Variants in EPHA7 observed in about 807,000 individuals in gnomAD.
EPHA7 encodes EPH receptor A7.
A neutral mutation model predicts 112.6 loss-of-function variants in EPHA7; 25 were observed. The ratio of observed to expected loss-of-function variants is 0.22; its 90% CI spans 0.16 to 0.31. EPHA7 has a LOEUF of 0.31. Among genes scored for constraint, EPHA7 ranks in the 10% least tolerant of loss-of-function variants. The pLI is 1.00. For synonymous variants in EPHA7, 437 were observed against 406.5 expected (o/e 1.07, Z -0.90); for missense variants, 962 against 1,212.6 (o/e 0.79, Z 3.07).
intron 3 of EPHA7, among the ~76,000 whole-genome samples, chr6:93,409,104 A>G (rs9445101): frequency 0.036 from 5,549 of 152,160 alleles, 340 homozygotes; most frequent in African/African-American, 0.13. Flanking sequence ...GTTCAGTACT[A>G]TATAGCACAG....
intron 3 of EPHA7, among the ~76,000 whole-genome samples, chr6:93,370,539 CT>C (rs1300139036): frequency 6.6e-6 from 1 of 152,098 alleles, no homozygotes; most frequent in Non-Finnish European, 1.5e-5. Flanking sequence ...TACTGGCTCT[CT>C]TTTAAATATT....
intron 9 of EPHA7, among the ~76,000 whole-genome samples, chr6:93,263,107 T>C (rs541796094): frequency 6.6e-6 from 1 of 151,258 alleles, no homozygotes; most frequent in Non-Finnish European, 1.5e-5. Flanking sequence ...ATGGGGAAAA[T>C]AGGTAAAGGT....
At chr6:93,299,768 A>C (rs554498965) in intron 5 of EPHA7, among the ~76,000 whole-genome samples, 3 of 152,352 alleles carry the variant, frequency 2.0e-5, no homozygotes, top group African/African-American at 7.2e-5. Context: ...CGTGGTACAT[A>C]TACACCATGG....
intron 3 of EPHA7, among the ~76,000 whole-genome samples, chr6:93,386,047 A>G (rs1403816705): frequency 6.6e-6 from 1 of 152,152 alleles, no homozygotes; most frequent in African/African-American, 2.4e-5. Flanking sequence ...ATTACAATTC[A>G]AGATGAAATT....
intron 3 of EPHA7, among the ~76,000 whole-genome samples, chr6:93,374,893 A>G (rs763173656): frequency 1.9e-4 from 29 of 152,228 alleles, no homozygotes; most frequent in Non-Finnish European, 3.7e-4. Context: ...TATTATCATC[A>G]TAATTATTAT....
At chr6:93,359,874 G>GAGAGAGAGAGAGATAGATAGATAGAT (rs1462833873) in intron 3 of EPHA7, among the ~76,000 whole-genome samples, 3 of 127,848 alleles carry the variant, frequency 2.3e-5, no homozygotes, top group Non-Finnish European at 5.1e-5. Flanking sequence ...GAGAGAGAGA[G>GAGAGAGAGAGAGATAGATAGATAGAT]AGATAGATAG....
At chr6:93,341,952 G>A (rs926644709) in intron 5 of EPHA7, among the ~76,000 whole-genome samples, 1 of 151,744 alleles carries the variant, frequency 6.6e-6, no homozygotes, top group African/African-American at 2.4e-5. Flanking sequence ...GATTTGGAAG[G>A]CCTCAGATCT....
At chr6:93,388,523 C>T (rs1582648958) in intron 3 of EPHA7, among the ~76,000 whole-genome samples, 1 of 152,060 alleles carries the variant, frequency 6.6e-6, no homozygotes, top group African/African-American at 2.4e-5. Flanking sequence ...AGGCAGGGTG[C>T]TATGTGAAGG....
chr6:93,338,680 A>G (rs2127916113), intron 5 of EPHA7, among the ~76,000 whole-genome samples: 1 of 152,066 alleles, frequency 6.6e-6, no homozygotes, highest in East Asian at 1.9e-4. Flanking sequence ...TGGAGGTGAG[A>G]TACAGAATAT....
At chr6:93,316,471 C>A (rs1361485367) in intron 5 of EPHA7, among the ~76,000 whole-genome samples, 1 of 152,046 alleles carries the variant, frequency 6.6e-6, no homozygotes, top group African/African-American at 2.4e-5. Flanking sequence ...ACTGTTCTAA[C>A]ATTGCTTGTA....
chr6:93,350,705 T>C (rs1189741787), intron 5 of EPHA7, among the ~76,000 whole-genome samples: 1 of 152,034 alleles, frequency 6.6e-6, no homozygotes, highest in Non-Finnish European at 1.5e-5. Context: ...TCAGAAACTG[T>C]ATGTTTTGCA....
At position 93,300,135 on chromosome 6, in the gene EPHA7, A is replaced by T. The variant is rs559426913; in HGVS notation, c.1325-27713T>A. ...GTATCCCTGAACTGAAAGTTTTTTT[A>T]AAAAAAGATAGGTATAGTGATTTAA... On this transcript the variant is annotated intron_variant, in intron 5 of 16. Transcript: ENST00000369303. 7.9e-5 allele frequency among the ~76,000 whole-genome samples: 12 copies of T among 152,268 alleles called. No individual in the cohort carries two copies. In the East Asian group the frequency reaches 1.9e-3, roughly 25 times the overall value.
rs1377657771 is a variant in EPHA7 at position 93,269,568 on chromosome 6, C to G, written c.1542G>C (p.Gln514His). 1.2e-6 allele frequency: 2 copies of G among 1,610,626 alleles called. No individual in the cohort carries two copies. Residue 514 changes from glutamine (Q) to histidine (H), a missense_variant, in exon 7 of 17, where the codon CAG becomes CAC. By Grantham distance (24) the Gln-to-His change is conservative. This residue lies in a region of EPHA7 where 746 missense variants were observed against 889.2 expected (regional missense o/e 0.84). Transcript: ENST00000369303. ...NLKPGTVYVF[Q>H]IRAFTAAGYG... ...AACCAGCAGCAGTAAAAGCCCGAAT[C>G]TGGAAAACATACACTGTTCCTGGTT...
chr6:93,262,813 T>C (rs187630111), intron 9 of EPHA7, among the ~76,000 whole-genome samples: 7 of 151,458 alleles, frequency 4.6e-5, no homozygotes, highest in Non-Finnish European at 8.9e-5. Flanking sequence ...AAACCACACA[T>C]TGTCATTTGA....
In EPHA7 at chr6:93,411,048, T is replaced by G. The variant is rs758496084; in HGVS notation, c.285A>C (p.Ala95=). 1.2e-6 allele frequency: 2 copies of G among 1,613,964 alleles called. No homozygotes were observed. Among genetic ancestry groups the G allele is most frequent in the African/African-American group, 1.3e-5 (1 of 74,932 alleles). The change falls in exon 3 of 17, where the codon GCA becomes GCC. Residue 95 remains alanine (A), a synonymous_variant. Transcript: ENST00000369303. ...LRTNWISKGN[A]QRIFVELKFT... ...ATTTCAATTCTACAAAAATCCTTTG[T>G]GCATTGCCTTTGGAAATCCAGTTAG...
At chr6:93,257,839 A>C (rs1770507157) in intron 11 of EPHA7, among the ~76,000 whole-genome samples, 1 of 152,076 alleles carries the variant, frequency 6.6e-6, no homozygotes, top group African/African-American at 2.4e-5. Context: ...ATGTCTCTTG[A>C]AGAGAAATAA....
chr6:93,419,506 C>A lies in EPHA7; in HGVS notation c.-165G>T, dbSNP rs980038747. 4.4e-5 allele frequency: 26 copies of A among 588,694 alleles called. No individual in the cohort carries two copies. The highest frequency in any genetic ancestry group is 1.3e-4 in the African/African-American group (7 of 52,300). 36.5% of individuals were successfully genotyped at this position (588,694 alleles called of 1,614,324 possible). ...GTTTAGCTTTTTTTAATTTCCCCCC[C>A]ACTCCTGTTCGCTCGCACCGTGTTT... On this transcript the variant is annotated 5_prime_UTR_variant, in exon 1 of 17. Transcript: ENST00000369303.
rs1469289264 is a variant in EPHA7 at position 93,241,474 on chromosome 6, G to C, written c.*1952C>G. The stretch of plus-strand genomic sequence containing the variant: ...TATTACAAAGATTACAAATGGAAGT[G>C]TCTAGGTGACTGTATTATGCTAATT... On this transcript the variant is annotated 3_prime_UTR_variant, in exon 17 of 17. Coordinates refer to ENST00000369303, the MANE Select transcript of EPHA7 (RefSeq NM_004440.4). 1 of 215,938 alleles carries C rather than the reference G, an allele frequency of 4.6e-6. No individual in the cohort carries two copies. Among genetic ancestry groups the C allele is most frequent in the Non-Finnish European group, 9.3e-6 (1 of 106,974 alleles). 13.4% of individuals were successfully genotyped at this position (215,938 alleles called of 1,614,324 possible).
intron 3 of EPHA7, among the ~76,000 whole-genome samples, chr6:93,396,431 A>G (rs1778175449): frequency 6.6e-6 from 1 of 151,890 alleles, no homozygotes; most frequent in Admixed American, 6.6e-5. Context: ...TACCCTGACT[A>G]AAAGCATATA....
Sources: allele counts gnomAD v4.1 joint callset (sites outside exome capture counted in the v4.1 genomes callset), GRCh38; gene constraint gnomAD v4.1.1; regional missense constraint gnomAD v4.1.1; transcripts MANE v1.5; gene names NCBI Gene and HGNC (gene_info 2026-07-23, HGNC 2026-07-21).